Variants in SLC47A1 observed in about 807,000 individuals in gnomAD.
SLC47A1 encodes the protein solute carrier family 47 member 1.
In SLC47A1, 58 loss-of-function variants were observed where a neutral mutation model predicts 65.8. That is an observed-to-expected ratio of 0.88 (90% CI 0.71 to 1.10). SLC47A1 has a LOEUF of 1.10. Among genes scored for constraint, SLC47A1 ranks in the 50% least tolerant of loss-of-function variants. The pLI is 0.00. For synonymous variants in SLC47A1, 285 were observed against 295.0 expected, an observed-to-expected ratio of 0.97 and a Z score of 0.35; for missense variants, 706 against 719.2, an observed-to-expected ratio of 0.98 and a Z score of 0.21.
At chr17:19,553,039 G>A (rs1332491202) in intron 6 of SLC47A1, among the ~76,000 whole-genome samples, 2 of 152,114 alleles carry the variant, frequency 1.3e-5, no homozygotes, top group Admixed American at 6.5e-5. Flanking sequence ...GGTGGGTTCT[G>A]TAGAAATGGC....
At chr17:19,553,484 TCCTATAGCTTCTGC>T (rs1916512315) in intron 6 of SLC47A1, among the ~76,000 whole-genome samples, 1 of 151,684 alleles carries the variant, frequency 6.6e-6, no homozygotes, top group African/African-American at 2.4e-5. Context: ...AGTCACCTGG[TCCTATAGCTTCTGC>T]CTCCTCCCAA....
At chr17:19,540,877 C>CACACACACACACACACA (rs59709153) in intron 1 of SLC47A1, among the ~76,000 whole-genome samples, 2 of 148,548 alleles carry the variant, frequency 1.3e-5, no homozygotes, top group East Asian at 2.0e-4. Context: ...CACACACACA[C>CACACACACACACACACA]CCCTAGGGTT....
intron 1 of SLC47A1, among the ~76,000 whole-genome samples, chr17:19,541,548 T>C (rs1230177433): frequency 6.6e-6 from 1 of 152,176 alleles, no homozygotes; most frequent in Admixed American, 6.5e-5. Flanking sequence ...GAATTTGCCC[T>C]CACATCTGAG....
intron 14 of SLC47A1, among the ~76,000 whole-genome samples, chr17:19,569,859 A>G (rs972958695): frequency 4.6e-5 from 7 of 152,198 alleles, no homozygotes; most frequent in Non-Finnish European, 8.8e-5. Context: ...TGTAGTTTCT[A>G]TGTACTGAGA....
chr17:19,555,945 AC>A, intron 9 of SLC47A1, 36 bp downstream of exon 9: 1 of 1,613,926 alleles, frequency 6.2e-7, no homozygotes, highest in Non-Finnish European at 8.5e-7. Context: ...ACTGGTGGGA[AC>A]CTGGGGGCCC....
At position 19,534,188 on chromosome 17, in the gene SLC47A1, C is replaced by T. The variant is rs1400993118; in HGVS notation, c.135+114C>T. ...GGGGACCGAGCGAGCTGTCCGCCGG[C>T]GGGCTCCGGGGAGCATCGTGCCAGG... On this transcript the variant is annotated intron_variant, in intron 1 of 16. Coordinates refer to ENST00000270570, the MANE Select transcript of SLC47A1 (RefSeq NM_018242.3). 1.6e-5 allele frequency: 21 copies of T among 1,317,116 alleles called. 1 individual carries two copies. The highest frequency in any genetic ancestry group is 8.3e-5 in the South Asian group (5 of 60,404). The allele number at this position is 1,317,116 out of a possible 1,614,324, so 81.6% of individuals were successfully genotyped here.
intron 14 of SLC47A1, among the ~76,000 whole-genome samples, chr17:19,568,500 GA>G (rs1296876797): frequency 3.3e-5 from 5 of 152,116 alleles, no homozygotes; most frequent in South Asian, 4.2e-4. Flanking sequence ...AAATATTAAG[GA>G]AATAATTTAA....
At chr17:19,577,002 C>T (rs1348224498) in intron 16 of SLC47A1, among the ~76,000 whole-genome samples, 1 of 152,162 alleles carries the variant, frequency 6.6e-6, no homozygotes, top group Non-Finnish European at 1.5e-5. Flanking sequence ...CTGCCTCAGC[C>T]TCCCAAAGTG....
intron 10 of SLC47A1, among the ~76,000 whole-genome samples, chr17:19,556,316 C>A (rs1916610533): frequency 6.6e-6 from 1 of 152,196 alleles, no homozygotes; most frequent in Non-Finnish European, 1.5e-5. Context: ...CCAGCTGAAT[C>A]TTCCCTTGAA....
At chr17:19,566,458 C>T (rs1460481800) in intron 12 of SLC47A1, among the ~76,000 whole-genome samples, 1 of 151,766 alleles carries the variant, frequency 6.6e-6, no homozygotes, top group Non-Finnish European at 1.5e-5. Flanking sequence ...GACAGTCTCG[C>T]TCTGTCATTC....
intron 15 of SLC47A1, among the ~76,000 whole-genome samples, chr17:19,572,023 T>C (rs1345251075): frequency 1.3e-5 from 2 of 152,168 alleles, no homozygotes; most frequent in Non-Finnish European, 2.9e-5. Context: ...GTACAGTGGC[T>C]TATGCCTGTA....
intron 12 of SLC47A1, among the ~76,000 whole-genome samples, chr17:19,566,270 A>G (rs559925152): frequency 1.3e-5 from 2 of 152,318 alleles, no homozygotes; most frequent in African/African-American, 4.8e-5. Flanking sequence ...GACTTGAAAC[A>G]TATCTCTTGA....
chr17:19,558,407 T>C lies in SLC47A1; in HGVS notation c.922-1781T>C, dbSNP rs544104385. 6.6e-5 allele frequency among the ~76,000 whole-genome samples: 10 copies of C among 152,286 alleles called. No homozygotes were observed. In the East Asian group the frequency reaches 1.3e-3, roughly 21 times the overall value. On this transcript the variant is annotated intron_variant, in intron 10 of 16. Coordinates refer to ENST00000270570, the MANE Select transcript of SLC47A1 (RefSeq NM_018242.3). ...GCACCATATCAGGAGGCACATGATG[T>C]TGATCTGTCTCAGTGTTGGTGATAC...
Position 19,542,433 on chromosome 17 carries a change from G to C in SLC47A1, c.176G>C (p.Ser59Thr). The C allele has an allele frequency of 6.2e-7, 1 of 1,612,030 alleles. No homozygotes were observed. The highest frequency in any genetic ancestry group is 1.7e-5 in the Admixed American group (1 of 59,540). The change falls in exon 2 of 17, where the codon AGC becomes ACC. Residue 59 changes from serine to threonine, a missense_variant. Coordinates refer to ENST00000270570, the MANE Select transcript of SLC47A1 (RefSeq NM_018242.3). The stretch of plus-strand genomic sequence containing the variant: ...ATGGTGTTCCTGATCAGCTTCATAA[G>C]CTCCGTGTTCTGTGGCCACCTGGGC... ...QLMVFLISFISSVFCGHLGKL... is the reference protein window; with the variant it reads ...QLMVFLISFITSVFCGHLGKL...
At chr17:19,573,920 C>CA (rs2084419175) in intron 16 of SLC47A1, among the ~76,000 whole-genome samples, 6 of 122,424 alleles carry the variant, frequency 4.9e-5, no homozygotes, top group Non-Finnish European at 1.0e-4. Context: ...CTGGTTCATG[C>CA]TTTTTTTTTT....
At chr17:19,552,064 G>A (rs1026813342) in intron 6 of SLC47A1, among the ~76,000 whole-genome samples, 1 of 152,230 alleles carries the variant, frequency 6.6e-6, no homozygotes, top group South Asian at 2.1e-4. Flanking sequence ...ATAAGTCCAG[G>A]TAAACAGGGG....
In SLC47A1 at chr17:19,577,451, G is replaced by A. The variant is rs1251284680; in HGVS notation, c.1611G>A (p.Leu537=). 11 of 1,614,082 alleles carry A rather than the reference G, an allele frequency of 6.8e-6. No homozygotes were observed. Among genetic ancestry groups the A allele is most frequent in the African/African-American group, 1.3e-5 (1 of 74,902 alleles). ...LPEHPQDGAK[L]SRKQLVLRRG... ...AACATCCACAGGACGGCGCTAAATT[G>A]TCCAGGAAACAGCTGGTGCTGCGGC... The change falls in exon 17 of 17, where the codon TTG becomes TTA. Residue 537 remains leucine (L), a synonymous_variant. Transcript: ENST00000270570.
At chr17:19,539,054 G>A (rs1226172384) in intron 1 of SLC47A1, among the ~76,000 whole-genome samples, 1 of 152,080 alleles carries the variant, frequency 6.6e-6, no homozygotes, top group Non-Finnish European at 1.5e-5. Flanking sequence ...AATTGCAGGT[G>A]CATGCCACCA....
intron 16 of SLC47A1, among the ~76,000 whole-genome samples, chr17:19,575,711 C>G (rs995707232): frequency 2.0e-5 from 3 of 152,104 alleles, no homozygotes; most frequent in Non-Finnish European, 4.4e-5. Context: ...ATTACTCTTA[C>G]TGTTCTGAAG....
Sources: gnomAD v4.1 joint callset for allele counts (sites outside exome capture counted in the v4.1 genomes callset) on GRCh38, gnomAD v4.1.1 for gene constraint, MANE v1.5 for transcripts, NCBI Gene and HGNC (gene_info 2026-07-23, HGNC 2026-07-21) for gene names.